Variants in ATP13A4 observed in about 807,000 individuals in gnomAD.
ATP13A4 encodes probable cation-transporting ATPase 13A4.
In ATP13A4, 114 loss-of-function variants were observed where a neutral mutation model predicts 142.5. That is an observed-to-expected ratio of 0.80 (90% CI 0.69 to 0.93). The LOEUF is 0.93. Ranked by LOEUF, ATP13A4 falls within the 40% of genes least tolerant of loss-of-function variation. The probability of loss-of-function intolerance (pLI) is 0.00; values close to 1 mark genes in which losing one functional copy is unlikely to be tolerated. For missense variants in ATP13A4, 1,392 were observed against 1,454.0 expected, an observed-to-expected ratio of 0.96 and a Z score of 0.69; for synonymous variants, 488 against 514.8, an observed-to-expected ratio of 0.95 and a Z score of 0.70.
intron 1 of ATP13A4, among the ~76,000 whole-genome samples, chr3:193,527,371 TG>T (rs1319929259): frequency 1.3e-5 from 2 of 151,954 alleles, no homozygotes; most frequent in Admixed American, 6.5e-5. Context: ...CCCAGCACTA[TG>T]GGGGGGCCAA....
chr3:193,418,234 G>C (rs190017804), intron 25 of ATP13A4, among the ~76,000 whole-genome samples: 1 of 142,542 alleles, frequency 7.0e-6, no homozygotes, highest in South Asian at 2.2e-4. Context: ...GGAGAATGGC[G>C]TGAACCCCGA....
chr3:193,539,558 C>G (rs977827532), intron 1 of ATP13A4, among the ~76,000 whole-genome samples: 1 of 152,222 alleles, frequency 6.6e-6, no homozygotes, highest in Non-Finnish European at 1.5e-5. Flanking sequence ...CTGCCTAAGA[C>G]ATCGCTTCTG....
intron 1 of ATP13A4, among the ~76,000 whole-genome samples, chr3:193,550,555 C>G (rs1356801752): frequency 6.6e-5 from 10 of 152,184 alleles, no homozygotes; most frequent in African/African-American, 9.6e-5. Flanking sequence ...ATCTGCACGC[C>G]TCAGCCTCCC....
At chr3:193,460,337 T>A (rs1239628028) in intron 13 of ATP13A4, among the ~76,000 whole-genome samples, 2 of 152,230 alleles carry the variant, frequency 1.3e-5, no homozygotes, top group African/African-American at 4.8e-5. Flanking sequence ...TTACTTCTGA[T>A]AATATGGACC....
At chr3:193,432,647 C>T (rs1716042645) in intron 25 of ATP13A4, among the ~76,000 whole-genome samples, 1 of 151,920 alleles carries the variant, frequency 6.6e-6, no homozygotes, top group African/African-American at 2.4e-5. Context: ...ATCTGAAAAG[C>T]CTATATATGA....
chr3:193,561,748 T>A (rs992207647), intron 2 of ATP13A4, among the ~76,000 whole-genome samples: 2 of 152,186 alleles, frequency 1.3e-5, no homozygotes, highest in African/African-American at 2.4e-5. Flanking sequence ...GCACTTCAAA[T>A]AAGCAATCTT....
At chr3:193,536,362 A>G (rs1203571321) in intron 1 of ATP13A4, among the ~76,000 whole-genome samples, 2 of 152,088 alleles carry the variant, frequency 1.3e-5, no homozygotes, top group Non-Finnish European at 2.9e-5. Context: ...ATCATCATTG[A>G]TTTAGCAGAC....
At chr3:193,548,554 A>G (rs1322351513) in intron 1 of ATP13A4, among the ~76,000 whole-genome samples, 1 of 152,182 alleles carries the variant, frequency 6.6e-6, no homozygotes, top group East Asian at 1.9e-4. Flanking sequence ...CCTGAACACA[A>G]TTCCCCCACT....
intron 2 of ATP13A4, among the ~76,000 whole-genome samples, chr3:193,566,969 A>G (rs1190807626): frequency 2.0e-5 from 3 of 152,188 alleles, no homozygotes. Flanking sequence ...TTATTTTCCT[A>G]TCTTCAACTC....
chr3:193,491,747 A>G (rs1012842363), intron 5 of ATP13A4, among the ~76,000 whole-genome samples: 65 of 152,280 alleles, frequency 4.3e-4, no homozygotes, highest in Non-Finnish European at 1.5e-4. Context: ...CGGTTTTATT[A>G]CTGTAAGACA....
intron 3 of ATP13A4, among the ~76,000 whole-genome samples, chr3:193,493,522 G>A (rs924954859): frequency 2.6e-5 from 4 of 151,988 alleles, no homozygotes; most frequent in African/African-American, 7.2e-5. Context: ...TAAAAAATAC[G>A]GTCTTGAAAT....
chr3:193,435,904 T>C (rs536843856), intron 23 of ATP13A4, among the ~76,000 whole-genome samples, 160 bp from the exon 24 acceptor site: 1 of 152,328 alleles, frequency 6.6e-6, no homozygotes, highest in Admixed American at 6.5e-5. Context: ...ATGCTGGCTG[T>C]CAGTAAACTA....
In ATP13A4 at chr3:193,569,706, A is replaced by T. The variant is rs578117144; in HGVS notation, n.291+12001T>A. Among the ~76,000 whole-genome samples the T allele has an allele frequency of 6.6e-5, 10 of 151,912 alleles. No individual in the cohort carries two copies. The South Asian group carries it at 1.2e-3, about 19-fold the overall frequency. On this transcript the variant is annotated intron_variant and non_coding_transcript_variant, in intron 2 of 3. Transcript: ENST00000489140. The stretch of plus-strand genomic sequence containing the variant: ...CCACGCTCAGCTAATTAAAAAAAAA[A>T]TTTTGTGTGTGTGCTGACAGGGTCT...
chr3:193,429,401 A>G (rs1445965710), intron 25 of ATP13A4, among the ~76,000 whole-genome samples: 1 of 152,152 alleles, frequency 6.6e-6, no homozygotes, highest in Non-Finnish European at 1.5e-5. Flanking sequence ...ACCCAAGTCC[A>G]TCAACAAATA....
chr3:193,522,271 G>T (rs1162385371), intron 1 of ATP13A4, among the ~76,000 whole-genome samples: 2 of 152,196 alleles, frequency 1.3e-5, no homozygotes, highest in African/African-American at 4.8e-5. Context: ...CTGCAGGCAG[G>T]AAGGTAAGAC....
rs1714290092 is a variant in ATP13A4 at position 193,402,268 on chromosome 3, T to G, written c.*384A>C. On this transcript the variant is annotated 3_prime_UTR_variant, in exon 30 of 30. Transcript: ENST00000342695. ...ATCGATGAAGTAAAAATTCAAAAAT[T>G]ACAACTCCGTGAGTATACACAGTAC... is the stretch of plus-strand genomic sequence containing the variant. The G allele has an allele frequency of 5.9e-6, 1 of 170,220 alleles. No homozygotes were observed. Among genetic ancestry groups the G allele is most frequent in the African/African-American group, 2.4e-5 (1 of 41,762 alleles). The allele number at this position is 170,220 out of a possible 1,614,324, so 10.5% of individuals were successfully genotyped here.
intron 2 of ATP13A4, among the ~76,000 whole-genome samples, chr3:193,564,842 C>T (rs369163223): frequency 3.7e-4 from 57 of 152,236 alleles, no homozygotes; most frequent in African/African-American, 1.2e-3. Flanking sequence ...CACATTACCC[C>T]CTGAGCTCCA....
At chr3:193,540,856 G>A (rs1335272406) in intron 1 of ATP13A4, among the ~76,000 whole-genome samples, 1 of 152,082 alleles carries the variant, frequency 6.6e-6, no homozygotes, top group African/African-American at 2.4e-5. Flanking sequence ...AATACTAATG[G>A]TATTTGCCGT....
chr3:193,513,392 T>C (rs1721238662), intron 2 of ATP13A4, among the ~76,000 whole-genome samples: 1 of 152,200 alleles, frequency 6.6e-6, no homozygotes, highest in African/African-American at 2.4e-5. Flanking sequence ...AACAATTTGG[T>C]TGTCATTCGG....
Sources: allele counts gnomAD v4.1 joint callset (sites outside exome capture counted in the v4.1 genomes callset), GRCh38; gene constraint gnomAD v4.1.1; transcripts MANE v1.5; gene names NCBI Gene and HGNC (gene_info 2026-07-23, HGNC 2026-07-21).